CTNNA2: variants seen among roughly 807,000 people sequenced by gnomAD.
CTNNA2 encodes catenin alpha 2, also known as catenin alpha-2.
CTNNA2 carries 42 observed loss-of-function variants against 101.0 expected under a neutral mutation model. That is an observed-to-expected ratio of 0.42 (90% confidence interval 0.32 to 0.54). CTNNA2 has a LOEUF of 0.54. CTNNA2 is among the 20% of genes least tolerant of loss of function. The pLI, the probability that CTNNA2 is intolerant of heterozygous loss-of-function variation, is 0.14. For missense variants in CTNNA2, 871 were observed against 1,223.1 expected (o/e 0.71, Z 4.29); for synonymous variants, 450 against 456.4 (o/e 0.99, Z 0.18).
chr2:80,329,287 A>G (rs893687488), intron 7 of CTNNA2, among the ~76,000 whole-genome samples: 1 of 152,126 alleles, frequency 6.6e-6, no homozygotes, highest in African/African-American at 2.4e-5. Context: ...TGGAGAAGTA[A>G]TGTTTTGTTT....
intron 7 of CTNNA2, among the ~76,000 whole-genome samples, chr2:80,232,341 G>GTTTGTTT (rs1709279604): frequency 1.2e-5 from 1 of 82,062 alleles, no homozygotes; most frequent in Non-Finnish European, 2.9e-5. Context: ...TTGTTTGTTT[G>GTTTGTTT]TTTGTTTTTT....
intron 1 of CTNNA2, among the ~76,000 whole-genome samples, chr2:79,617,732 T>C (rs1457651634): frequency 6.6e-6 from 1 of 152,168 alleles, no homozygotes; most frequent in Non-Finnish European, 1.5e-5. Flanking sequence ...ATCATGAGGC[T>C]TTTCCTATTC....
At chr2:80,103,849 C>G (rs886145089) in intron 7 of CTNNA2, among the ~76,000 whole-genome samples, 1 of 152,212 alleles carries the variant, frequency 6.6e-6, no homozygotes, top group Non-Finnish European at 1.5e-5. Flanking sequence ...ATTCTCTCGC[C>G]TCAGTCTCCT....
chr2:79,533,423 T>A (rs1351708531), intron 1 of CTNNA2, among the ~76,000 whole-genome samples: 1 of 152,176 alleles, frequency 6.6e-6, no homozygotes, highest in Non-Finnish European at 1.5e-5. Context: ...AATGGTAGTT[T>A]ATAGAAGTTT....
intron 7 of CTNNA2, among the ~76,000 whole-genome samples, chr2:80,324,175 A>G (rs1559007324): frequency 6.6e-6 from 1 of 152,324 alleles, no homozygotes; most frequent in Admixed American, 6.5e-5. Context: ...TAAAGTTTCA[A>G]TTAAAGCTAA....
intron 2 of CTNNA2, among the ~76,000 whole-genome samples, chr2:79,670,450 C>T (rs1682758669): frequency 1.3e-5 from 2 of 152,158 alleles, no homozygotes; most frequent in African/African-American, 4.8e-5. Context: ...AGCTCCCGTC[C>T]GGACTCAGAA....
intron 2 of CTNNA2, among the ~76,000 whole-genome samples, chr2:79,202,313 AT>A (rs1200096410): frequency 8.6e-5 from 13 of 151,178 alleles, no homozygotes; most frequent in African/African-American, 3.2e-4. Flanking sequence ...AAAAAAGATA[AT>A]TTCCACACAC....
intron 12 of CTNNA2, among the ~76,000 whole-genome samples, chr2:80,570,128 A>C (rs1391828573): frequency 6.6e-6 from 1 of 152,064 alleles, no homozygotes; most frequent in African/African-American, 2.4e-5. Context: ...GGTTCACTGC[A>C]ACCTCTGCCT....
At chr2:80,009,160 G>C (rs1693589655) in intron 7 of CTNNA2, among the ~76,000 whole-genome samples, 1 of 152,172 alleles carries the variant, frequency 6.6e-6, no homozygotes, top group African/African-American at 2.4e-5. Context: ...TGAGTATATG[G>C]TACTTTTATA....
At chr2:80,594,488 GAC>G (rs1205551830) in intron 15 of CTNNA2, among the ~76,000 whole-genome samples, 1 of 151,542 alleles carries the variant, frequency 6.6e-6, no homozygotes, top group African/African-American at 2.4e-5. Flanking sequence ...AGTGTTCTTT[GAC>G]ACACACAAGT....
chr2:80,598,707 A>G (rs1487079938), intron 15 of CTNNA2, among the ~76,000 whole-genome samples: 1 of 152,204 alleles, frequency 6.6e-6, no homozygotes, highest in Non-Finnish European at 1.5e-5. Context: ...ACTACTCAGC[A>G]ATAAAAATGC....
intron 7 of CTNNA2, among the ~76,000 whole-genome samples, chr2:80,094,747 T>C (rs1700037655): frequency 6.6e-6 from 1 of 152,192 alleles, no homozygotes; most frequent in Admixed American, 6.5e-5. Context: ...GATTCCTAGG[T>C]ATTTTATTCT....
chr2:79,190,228 A>G (rs376102174), intron 1 of CTNNA2, among the ~76,000 whole-genome samples: 20 of 151,936 alleles, frequency 1.3e-4, no homozygotes, highest in African/African-American at 3.9e-4. Context: ...CATTCTACCA[A>G]CTATCTTCTG....
chr2:80,098,937 T>G (rs1266755832), intron 7 of CTNNA2, among the ~76,000 whole-genome samples: 2 of 152,096 alleles, frequency 1.3e-5, no homozygotes, highest in Non-Finnish European at 2.9e-5. Flanking sequence ...GGGAATTCCC[T>G]GACCCCTTGC....
At chr2:79,359,761 A>G (rs1231257511) in intron 3 of CTNNA2, among the ~76,000 whole-genome samples, 1 of 152,016 alleles carries the variant, frequency 6.6e-6, no homozygotes, top group Non-Finnish European at 1.5e-5. Context: ...GAGGTTCTAA[A>G]CCTAGAGCTC....
At chr2:79,692,602 T>C (rs1410266857) in intron 2 of CTNNA2, among the ~76,000 whole-genome samples, 1 of 151,986 alleles carries the variant, frequency 6.6e-6, no homozygotes, top group African/African-American at 2.4e-5. Flanking sequence ...CTGTTCATAA[T>C]AGCAAAGACT....
At chr2:80,224,078 G>T (rs1708730088) in intron 7 of CTNNA2, among the ~76,000 whole-genome samples, 1 of 152,078 alleles carries the variant, frequency 6.6e-6, no homozygotes, top group African/African-American at 2.4e-5. Context: ...CCCATGACTT[G>T]TTCTAGCCCT....
intron 7 of CTNNA2, among the ~76,000 whole-genome samples, chr2:80,359,998 T>C (rs1000581712): frequency 1.3e-5 from 2 of 152,168 alleles, no homozygotes; most frequent in African/African-American, 4.8e-5. Context: ...CTTAATGAAA[T>C]TGAATTTTCT....
chr2:79,563,954 A>T (rs1674951305), intron 1 of CTNNA2, among the ~76,000 whole-genome samples: 1 of 152,128 alleles, frequency 6.6e-6, no homozygotes, highest in African/African-American at 2.4e-5. Flanking sequence ...TTCCATCCTC[A>T]TAATGGAGAC....
Sources: gnomAD v4.1 joint callset for allele counts (sites outside exome capture counted in the v4.1 genomes callset) on GRCh38, gnomAD v4.1.1 for gene constraint, MANE v1.5 for transcripts, NCBI Gene and HGNC (gene_info 2026-07-23, HGNC 2026-07-21) for gene names.